Variants in AMBRA1 observed in about 807,000 individuals in gnomAD.
The protein encoded by AMBRA1 is autophagy and beclin 1 regulator 1.
Under a neutral mutation model 125.4 loss-of-function variants are expected in AMBRA1, and 47 were observed. The ratio of observed to expected loss-of-function variants is 0.37; its 90% CI spans 0.30 to 0.48. The LOEUF (loss-of-function observed/expected upper bound fraction) is 0.48, where lower values mean the gene tolerates loss of function less well. Ranked by LOEUF, AMBRA1 falls within the 20% of genes least tolerant of loss-of-function variation. The pLI, the probability that AMBRA1 is intolerant of heterozygous loss-of-function variation, is 0.99. For missense variants in AMBRA1, 1,331 were observed against 1,693.4 expected (o/e 0.79, Z 3.76); for synonymous variants, 626 against 655.5 (o/e 0.95, Z 0.69).
chr11:46,428,662 T>G, intron 14 of AMBRA1: 5 of 1,598,068 alleles, frequency 3.1e-6, no homozygotes, highest in Non-Finnish European at 4.2e-6. Context: ...TTTACTGAGG[T>G]GGCTGACCAC....
At chr11:46,484,705 G>C (rs1023608974) in intron 11 of AMBRA1, among the ~76,000 whole-genome samples, 3 of 151,676 alleles carry the variant, frequency 2.0e-5, no homozygotes, top group Non-Finnish European at 4.4e-5. Context: ...GGAGTGCAGT[G>C]GTGCGATCTC....
rs538880815 is a variant in AMBRA1 at position 46,489,251 on chromosome 11, T to C, written c.2521+4357A>G. Among the ~76,000 whole-genome samples the C allele has an allele frequency of 8.5e-5, 13 of 152,184 alleles. No individual in the cohort carries two copies. The South Asian group carries it at 2.1e-3, about 24-fold the overall frequency. Reference sequence around the variant, plus strand: ...CCCCACAACAGGCCCCGGTGTGTGATGTTCCCCTTCCTGTGTCCACGTGTT... The same window carrying C: ...CCCCACAACAGGCCCCGGTGTGTGACGTTCCCCTTCCTGTGTCCACGTGTT... On this transcript the variant is annotated intron_variant, in intron 11 of 17. Coordinates refer to ENST00000683756, the MANE Select transcript of AMBRA1 (RefSeq NM_001387011.1).
intron 7 of AMBRA1, among the ~76,000 whole-genome samples, chr11:46,524,627 A>G (rs1313360219): frequency 6.6e-6 from 1 of 152,166 alleles, no homozygotes; most frequent in African/African-American, 2.4e-5. Context: ...GAAATCTCTT[A>G]TTTCACATGG....
At chr11:46,520,089 A>G (rs1296668992) in intron 7 of AMBRA1, among the ~76,000 whole-genome samples, 1 of 151,780 alleles carries the variant, frequency 6.6e-6, no homozygotes, top group Non-Finnish European at 1.5e-5. Context: ...CAGTGACCCA[A>G]GATGGCGCCA....
intron 1 of AMBRA1, among the ~76,000 whole-genome samples, chr11:46,581,040 C>A (rs886113854): frequency 6.4e-4 from 97 of 152,080 alleles, no homozygotes; most frequent in African/African-American, 2.3e-3. Context: ...GCAATCCACC[C>A]GCCTCAGCCT....
At chr11:46,436,710 A>G (rs910564255) in intron 12 of AMBRA1, among the ~76,000 whole-genome samples, 1 of 152,222 alleles carries the variant, frequency 6.6e-6, no homozygotes, top group East Asian at 1.9e-4. Flanking sequence ...CAACACATGA[A>G]TCCAGCTGGG....
chr11:46,554,154 A>C (rs1288378769), intron 1 of AMBRA1, among the ~76,000 whole-genome samples: 1 of 152,236 alleles, frequency 6.6e-6, no homozygotes, highest in Non-Finnish European at 1.5e-5. Context: ...GTTCAGAAGA[A>C]ACATCTTGAG....
At chr11:46,429,271 G>T in intron 14 of AMBRA1, 1 of 838,170 alleles carries the variant, frequency 1.2e-6, no homozygotes, top group Non-Finnish European at 1.9e-6. Context: ...CTCAGAAATC[G>T]GTGTGTGGGG....
intron 1 of AMBRA1, among the ~76,000 whole-genome samples, chr11:46,592,798 C>T (rs2044654394): frequency 6.6e-6 from 1 of 151,898 alleles, no homozygotes; most frequent in Admixed American, 6.6e-5. Context: ...CTTGGGTTTC[C>T]ATTGGATACT....
chr11:46,452,156 A>G (rs1369476472), intron 11 of AMBRA1, among the ~76,000 whole-genome samples: 2 of 152,040 alleles, frequency 1.3e-5, no homozygotes. Flanking sequence ...ATTCAAATAA[A>G]TGTCTATCAA....
At chr11:46,516,587 T>C (rs1438329972) in intron 7 of AMBRA1, among the ~76,000 whole-genome samples, 2 of 151,880 alleles carry the variant, frequency 1.3e-5, no homozygotes, top group Non-Finnish European at 2.9e-5. Context: ...CCTGCCACCA[T>C]GCCTGGCTAA....
In AMBRA1 at chr11:46,397,957, A is replaced by C; in HGVS notation, c.3404-14T>G. On this transcript the variant is annotated splice_polypyrimidine_tract_variant and intron_variant, in intron 17 of 17. Coordinates refer to ENST00000683756, the MANE Select transcript of AMBRA1 (RefSeq NM_001387011.1). ...CTGAACCCTCACCTGGCAGATACAAAGCAGAAGAGAGAGCGAATTGGCTGC... is the reference window on the plus strand; with the variant it reads ...CTGAACCCTCACCTGGCAGATACAACGCAGAAGAGAGAGCGAATTGGCTGC... The C allele has an allele frequency of 6.4e-7, 1 of 1,570,236 alleles. No homozygotes were observed. The highest frequency in any genetic ancestry group is 8.6e-7 in the Non-Finnish European group (1 of 1,159,168).
intron 8 of AMBRA1, 33 bp from the exon 9 acceptor site, chr11:46,508,403 A>G: frequency 6.2e-7 from 1 of 1,601,806 alleles, no homozygotes; most frequent in Non-Finnish European, 8.5e-7. Context: ...AACACAAACT[A>G]GCACTAATGT....
At chr11:46,481,607 C>T (rs1055739413) in intron 11 of AMBRA1, among the ~76,000 whole-genome samples, 1 of 152,202 alleles carries the variant, frequency 6.6e-6, no homozygotes, top group African/African-American at 2.4e-5. Flanking sequence ...AGGTGATCGG[C>T]CTGCCTCGGC....
At chr11:46,427,169 A>G (rs538079085) in intron 14 of AMBRA1, among the ~76,000 whole-genome samples, 21 of 152,328 alleles carry the variant, frequency 1.4e-4, no homozygotes, top group African/African-American at 4.6e-4. Flanking sequence ...AAAAGAGCCT[A>G]TATTTGTGAA....
intron 11 of AMBRA1, among the ~76,000 whole-genome samples, chr11:46,474,225 C>T (rs979900811): frequency 6.6e-6 from 1 of 151,436 alleles, no homozygotes; most frequent in Non-Finnish European, 1.5e-5. Context: ...TGATATTTTT[C>T]CTGGTTGATT....
intron 14 of AMBRA1, among the ~76,000 whole-genome samples, chr11:46,425,695 C>T (rs1258605909): frequency 1.3e-5 from 2 of 151,582 alleles, no homozygotes; most frequent in African/African-American, 4.9e-5. Context: ...CAGAAATTAG[C>T]CGGGGTGGTG....
chr11:46,587,200 T>C (rs1340210448), intron 1 of AMBRA1, among the ~76,000 whole-genome samples: 1 of 152,036 alleles, frequency 6.6e-6, no homozygotes, highest in East Asian at 1.9e-4. Flanking sequence ...GCCAACATGG[T>C]GAAACCCCAT....
Position 46,488,370 on chromosome 11 carries a change from C to T in AMBRA1, c.2521+5238G>A, listed in dbSNP as rs963998444. Among the ~76,000 whole-genome samples, 4 of 151,924 alleles carry T rather than the reference C, an allele frequency of 2.6e-5. No individual in the cohort carries two copies. In the South Asian group the frequency reaches 8.3e-4, roughly 32 times the overall value. On this transcript the variant is annotated intron_variant, in intron 11 of 17. Transcript: ENST00000683756. ...ACTCAGGAGGCTGAGGCAGGAGAAT[C>T]GCTTGAACCCAAGAGGCGGAAGTTG...
Sources: gnomAD v4.1 joint callset for allele counts (sites outside exome capture counted in the v4.1 genomes callset) on GRCh38, gnomAD v4.1.1 for gene constraint, MANE v1.5 for transcripts, NCBI Gene and HGNC (gene_info 2026-07-23, HGNC 2026-07-21) for gene names.